Variants in IL22RA2 observed in about 807,000 individuals in gnomAD.
IL22RA2 encodes interleukin 22 receptor subunit alpha 2.
In IL22RA2, 39 loss-of-function variants were observed where a neutral mutation model predicts 30.7. The observed-to-expected ratio is 1.27, with a 90% CI of 0.98 to 1.66. The LOEUF is 1.66. Among genes scored for constraint, IL22RA2 ranks in the 40% most tolerant of loss-of-function variants. The pLI is 0.00. For synonymous variants in IL22RA2, 103 were observed against 105.0 expected, an observed-to-expected ratio of 0.98 and a Z score of 0.11; for missense variants, 315 against 312.7, an observed-to-expected ratio of 1.01 and a Z score of -0.05.
At position 137,156,883 on chromosome 6, in the gene IL22RA2, C is replaced by G. The variant is rs199749779; in HGVS notation, c.198-29G>C. ...GAGAAGGTCAATGGGGAAAACAGAT[C>G]GTGTGAAGAGGCCAAACTCAAGGGG... On this transcript the variant is annotated intron_variant, in intron 3 of 6. Transcript: ENST00000296980. 4 of 1,595,880 alleles carry G rather than the reference C, an allele frequency of 2.5e-6. No individual in the cohort carries two copies. In the South Asian group the frequency reaches 4.4e-5, roughly 18 times the overall value.
chr6:137,149,821 A>G (rs1413394219), intron 5 of IL22RA2, among the ~76,000 whole-genome samples: 1 of 152,074 alleles, frequency 6.6e-6, no homozygotes, highest in African/African-American at 2.4e-5. Context: ...CTTCTTCAAT[A>G]TATTGGTTAT....
At position 137,145,500 on chromosome 6, in the gene IL22RA2, G is replaced by A. The variant is rs1778159248; in HGVS notation, c.*124C>T. The A allele has an allele frequency of 1.0e-5, 8 of 786,710 alleles. No homozygotes were observed. The East Asian group carries it at 1.9e-4, about 19-fold the overall frequency. The allele number at this position is 786,710 out of a possible 1,614,324, so 48.7% of individuals were successfully genotyped here. ...GGATAAACAAAGAAGTCCCCAAGGT[G>A]TAACAGTGAATATTGCTTTAAGAAA... On this transcript the variant is annotated 3_prime_UTR_variant, in exon 7 of 7. Coordinates refer to ENST00000296980, the MANE Select transcript of IL22RA2 (RefSeq NM_052962.3).
At position 137,145,878 on chromosome 6, in the gene IL22RA2, G is replaced by C. The variant is rs1001101994; in HGVS notation, c.643-105C>G. 4 of 1,164,702 alleles carry C rather than the reference G, an allele frequency of 3.4e-6. No individual in the cohort carries two copies. In the East Asian group the frequency reaches 9.8e-5, roughly 29 times the overall value. 72.1% of individuals were successfully genotyped at this position (1,164,702 alleles called of 1,614,324 possible). ...TTGTACATGGTCACAGCAGTAGATG[G>C]GTTGTGGGGTTTCTTCCCAGACACA... On this transcript the variant is annotated intron_variant, in intron 6 of 6. Transcript: ENST00000296980.
Position 137,155,120 on chromosome 6 carries a change from C to A in IL22RA2, c.294-1G>T. 1 of 1,535,830 alleles carries A rather than the reference C, an allele frequency of 6.5e-7. No individual in the cohort carries two copies. On this transcript the variant is annotated splice_acceptor_variant, in intron 4 of 6. Transcript: ENST00000296980. LOFTEE classifies it high-confidence loss of function. ...ATTTTTCCATTGTCTCTGTCCATATCTGTAGCAGGGAAAAGGCAAAGATCT... is the reference window on the plus strand; with the variant it reads ...ATTTTTCCATTGTCTCTGTCCATATATGTAGCAGGGAAAAGGCAAAGATCT...
In IL22RA2 at chr6:137,145,346, T is replaced by C. The variant is rs1778155631; in HGVS notation, c.*278A>G. The stretch of plus-strand genomic sequence containing the variant: ...AGAATGAAGGTTGTTATTAGGGATG[T>C]TACATTCAGAAATAAAGTTCTGAAT... On this transcript the variant is annotated 3_prime_UTR_variant, in exon 7 of 7. Coordinates refer to ENST00000296980, the MANE Select transcript of IL22RA2 (RefSeq NM_052962.3). 3.8e-6 allele frequency: 1 copy of C among 265,322 alleles called. No homozygotes were observed. The highest frequency in any genetic ancestry group is 5.6e-5 in the Admixed American group (1 of 17,834). 16.4% of individuals were successfully genotyped at this position (265,322 alleles called of 1,614,324 possible). A position where few individuals can be genotyped will look rare whatever the true frequency, so the allele number is the denominator to read the frequency against.
rs559601280 is a variant in IL22RA2 at position 137,153,878 on chromosome 6, A to G, written c.472+1063T>C. On this transcript the variant is annotated intron_variant, in intron 5 of 6. Transcript: ENST00000296980. Reference sequence around the variant, plus strand: ...GATAAAGAGCTGAAGTGCTGGCTGGAAAGAAAGTGAATGTTGAGTTTATAA... The same window carrying G: ...GATAAAGAGCTGAAGTGCTGGCTGGGAAGAAAGTGAATGTTGAGTTTATAA... Among the ~76,000 whole-genome samples the G allele has an allele frequency of 1.2e-4, 19 of 152,356 alleles. No homozygotes were observed. The South Asian group carries it at 3.9e-3, about 32-fold the overall frequency.
intron 5 of IL22RA2, among the ~76,000 whole-genome samples, chr6:137,152,456 G>A (rs1370026535): frequency 2.6e-5 from 4 of 152,110 alleles, no homozygotes; most frequent in African/African-American, 4.8e-5. Context: ...AGTGAAAGAA[G>A]CCAGTCAAAA....
chr6:137,168,164 G>A (rs539036442), intron 1 of IL22RA2, among the ~76,000 whole-genome samples: 2 of 152,296 alleles, frequency 1.3e-5, no homozygotes, highest in African/African-American at 4.8e-5. Flanking sequence ...GCCTGGTCTG[G>A]AAAAGGTGTG....
chr6:137,148,857 A>C (rs1431647951), intron 5 of IL22RA2, among the ~76,000 whole-genome samples: 1 of 152,116 alleles, frequency 6.6e-6, no homozygotes, highest in Non-Finnish European at 1.5e-5. Flanking sequence ...TCAGCTGCGG[A>C]CATCACAGGG....
chr6:137,158,469 C>A lies in IL22RA2; in HGVS notation c.75G>T (p.Thr25=). Residue 25 remains threonine (T), a synonymous_variant, in exon 3 of 7, where the codon ACG becomes ACT. Transcript: ENST00000296980. The stretch of plus-strand genomic sequence containing the variant: ...CCCTCTGAGGCTTCAGAGACTCATG[C>A]GTTGACTGAGTTCCTAAGATAATAA... ...FLTGVAGTQS[T]HESLKPQRVQ... is the part of the protein sequence containing the mutation. 1 of 1,614,058 alleles carries A rather than the reference C, an allele frequency of 6.2e-7. No individual in the cohort carries two copies. The highest frequency in any genetic ancestry group is 8.5e-7 in the Non-Finnish European group (1 of 1,179,968).
intron 6 of IL22RA2, 30 bp from the exon 7 acceptor site, chr6:137,145,803 G>A: frequency 6.2e-7 from 1 of 1,612,918 alleles, no homozygotes; most frequent in Non-Finnish European, 8.5e-7. Context: ...TAATCAGTTG[G>A]TAAATGGCTG....
chr6:137,156,996 A>G (rs1045362355), intron 3 of IL22RA2, 142 bp from the exon 4 acceptor site: 23 of 1,206,050 alleles, frequency 1.9e-5, no homozygotes, highest in Non-Finnish European at 2.6e-5. Context: ...CAACTGCAGC[A>G]ATAATGGTAC....
rs528956506 is a variant in IL22RA2, at chr6:137,151,057, AG to A, written c.473-3167del. On this transcript the variant is annotated intron_variant, in intron 5 of 6. Transcript: ENST00000296980. ...GCAAAGCAAAAGGCTCATACTGAAAAGTGGTCTTAAAAAATCTGGGTGGTTA... is the reference window on the plus strand; with the variant it reads ...GCAAAGCAAAAGGCTCATACTGAAAATGGTCTTAAAAAATCTGGGTGGTTA... 1.7e-3 allele frequency among the ~76,000 whole-genome samples: 260 copies of A among 152,326 alleles called. 1 individual carries two copies. The highest frequency in any genetic ancestry group is 5.8e-3 in the African/African-American group (241 of 41,578).
chr6:137,150,819 C>A (rs912529357), intron 5 of IL22RA2, among the ~76,000 whole-genome samples: 1 of 152,068 alleles, frequency 6.6e-6, no homozygotes, highest in Admixed American at 6.6e-5. Context: ...TTCAATGTAT[C>A]CAAGAGACAA....
chr6:137,150,697 TATA>T (rs1211270629), intron 5 of IL22RA2, among the ~76,000 whole-genome samples: 2 of 152,186 alleles, frequency 1.3e-5, no homozygotes, highest in Admixed American at 1.3e-4. Context: ...TAGGCTTGAA[TATA>T]ATAATCACAC....
chr6:137,166,339 A>G (rs899556316), intron 1 of IL22RA2, among the ~76,000 whole-genome samples: 2 of 152,248 alleles, frequency 1.3e-5, no homozygotes, highest in African/African-American at 4.8e-5. Context: ...GCCACTTTGC[A>G]TGCCCATGGA....
chr6:137,168,614 T>C (rs1167597861), intron 1 of IL22RA2, among the ~76,000 whole-genome samples: 1 of 152,222 alleles, frequency 6.6e-6, no homozygotes, highest in Non-Finnish European at 1.5e-5. Flanking sequence ...GGACCACACA[T>C]GAATTTAATC....
In IL22RA2 at chr6:137,156,781, G is replaced by A. The variant is rs773751903; in HGVS notation, c.271C>T (p.Pro91Ser). 1.5e-5 allele frequency: 25 copies of A among 1,613,738 alleles called. No homozygotes were observed. The South Asian group carries it at 1.9e-4, about 12-fold the overall frequency. Residue 91 changes from proline to serine, a missense_variant, in exon 4 of 7, where the codon CCA (proline) becomes TCA (serine). Physicochemically the swap from Pro to Ser is moderately conservative, Grantham distance 74. Coordinates refer to ENST00000296980, the MANE Select transcript of IL22RA2 (RefSeq NM_052962.3). ...GCWQHISCNF[P>S]GCRTLAKYGQ... ...TACTTAGCCAATGTTCTGCAGCCTG[G>A]GAAGTTACAAGAAATGTGCTGCCAG...
chr6:137,166,728 A>C (rs1258151202), intron 1 of IL22RA2, among the ~76,000 whole-genome samples: 2 of 152,366 alleles, frequency 1.3e-5, no homozygotes, highest in East Asian at 3.9e-4. Flanking sequence ...TCCCAGAAGC[A>C]ATAGCCCCTG....
Sources: gnomAD v4.1 joint callset for allele counts (sites outside exome capture counted in the v4.1 genomes callset) on GRCh38, gnomAD v4.1.1 for gene constraint, MANE v1.5 for transcripts, NCBI Gene and HGNC (gene_info 2026-07-23, HGNC 2026-07-21) for gene names.